Variants in DPP10 observed in about 807,000 individuals in gnomAD.
The protein encoded by DPP10 is inactive dipeptidyl peptidase 10.
In DPP10, 33 loss-of-function variants were observed where a neutral mutation model predicts 120.9. That is an observed-to-expected ratio of 0.27 (90% confidence interval 0.21 to 0.37). DPP10 has a LOEUF of 0.37. DPP10 is among the 10% of genes least tolerant of loss of function. The pLI, the probability that DPP10 is intolerant of heterozygous loss-of-function variation, is 1.00. For synonymous variants in DPP10, 337 were observed against 326.1 expected, an observed-to-expected ratio of 1.03 and a Z score of -0.36; for missense variants, 816 against 942.8, an observed-to-expected ratio of 0.87 and a Z score of 1.76.
At chr2:115,132,089 AAATAAT>A (rs1302169872) in intron 1 of DPP10, among the ~76,000 whole-genome samples, 2 of 151,904 alleles carry the variant, frequency 1.3e-5, no homozygotes, top group Admixed American at 6.6e-5. Flanking sequence ...CGCCATCTCA[AAATAAT>A]AATAATAATA....
At position 115,155,341 on chromosome 2, in the gene DPP10, T is replaced by C. The variant is rs532317389; in HGVS notation, c.61-153898T>C. Among the ~76,000 whole-genome samples, 89 of 152,298 alleles carry C rather than the reference T, an allele frequency of 5.8e-4. 2 individuals are homozygous for C. In the South Asian group the frequency reaches 0.018, roughly 32 times the overall value. On this transcript the variant is annotated intron_variant, in intron 1 of 25. Coordinates refer to ENST00000410059, the MANE Select transcript of DPP10 (RefSeq NM_020868.6). ...GGTTGTGAAAGGTGTTGAGTCCTAATAGATCAGTTATATTCGGGAAGATGA... is the reference window on the plus strand; with the variant it reads ...GGTTGTGAAAGGTGTTGAGTCCTAACAGATCAGTTATATTCGGGAAGATGA...
intron 5 of DPP10, among the ~76,000 whole-genome samples, chr2:115,540,937 C>T (rs1261629383): frequency 6.6e-6 from 1 of 151,708 alleles, no homozygotes; most frequent in Non-Finnish European, 1.5e-5. Flanking sequence ...TGAATGATGC[C>T]ATGAGAACAA....
intron 21 of DPP10, among the ~76,000 whole-genome samples, chr2:115,834,545 C>T (rs930759949): frequency 6.6e-6 from 1 of 151,562 alleles, no homozygotes; most frequent in Non-Finnish European, 1.5e-5. Context: ...AAAATCTCCT[C>T]TGGAACTTTT....
intron 1 of DPP10, among the ~76,000 whole-genome samples, chr2:115,204,669 C>T (rs1170580682): frequency 6.6e-6 from 1 of 152,110 alleles, no homozygotes; most frequent in Non-Finnish European, 1.5e-5. Flanking sequence ...ACTCACTAAA[C>T]AGGTCATAAA....
chr2:115,139,770 G>C (rs980426224), intron 1 of DPP10, among the ~76,000 whole-genome samples: 1 of 121,862 alleles, frequency 8.2e-6, no homozygotes, highest in Admixed American at 8.8e-5. Context: ...ATACTACTTT[G>C]TTATAAAATA....
intron 1 of DPP10, among the ~76,000 whole-genome samples, chr2:114,864,787 C>T (rs955499943): frequency 6.6e-6 from 1 of 152,078 alleles, no homozygotes; most frequent in South Asian, 2.1e-4. Flanking sequence ...TATGAAAGTC[C>T]CCTATATTAA....
chr2:114,974,990 GA>G (rs1168214068), intron 1 of DPP10, among the ~76,000 whole-genome samples: 4 of 149,964 alleles, frequency 2.7e-5, no homozygotes, highest in Admixed American at 6.6e-5. Context: ...TCATGTTAAA[GA>G]AAAAAATATA....
In DPP10 at chr2:115,256,280, A is replaced by G. The variant is rs913736802; in HGVS notation, c.61-52959A>G. Among the ~76,000 whole-genome samples, 39 of 152,214 alleles carry G rather than the reference A, an allele frequency of 2.6e-4. 1 individual carries two copies. The highest frequency in any genetic ancestry group is 9.2e-4 in the African/African-American group (38 of 41,456). On this transcript the variant is annotated intron_variant, in intron 1 of 25. Coordinates refer to ENST00000410059, the MANE Select transcript of DPP10 (RefSeq NM_020868.6). Reference sequence around the variant, plus strand: ...CAGATCTCGTGAGAATTCACTCACTATCAAAAGAACAGCATGGAGGTAACC... The same window carrying G: ...CAGATCTCGTGAGAATTCACTCACTGTCAAAAGAACAGCATGGAGGTAACC...
chr2:114,625,464 GA>G (rs1241541273), intron 1 of DPP10, among the ~76,000 whole-genome samples: 1 of 151,852 alleles, frequency 6.6e-6, no homozygotes, highest in Non-Finnish European at 1.5e-5. Flanking sequence ...ATTTAGGACT[GA>G]CAAAAAAGCA....
intron 1 of DPP10, among the ~76,000 whole-genome samples, chr2:114,542,377 CCTT>C (rs1247724645): frequency 6.6e-6 from 1 of 152,104 alleles, no homozygotes; most frequent in Non-Finnish European, 1.5e-5. Flanking sequence ...CACCTACACT[CCTT>C]ATTTGGTGGG....
intron 4 of DPP10, among the ~76,000 whole-genome samples, chr2:115,503,109 TA>T (rs2076770038): frequency 6.6e-6 from 1 of 152,046 alleles, no homozygotes; most frequent in Non-Finnish European, 1.5e-5. Context: ...TACATTCTAC[TA>T]AAAAAGTAGC....
At chr2:115,284,739 CCA>C (rs1384010151) in intron 1 of DPP10, among the ~76,000 whole-genome samples, 1 of 151,744 alleles carries the variant, frequency 6.6e-6, no homozygotes, top group Non-Finnish European at 1.5e-5. Flanking sequence ...ATCTAGGATA[CCA>C]TGCAGAAGAG....
intron 5 of DPP10, among the ~76,000 whole-genome samples, chr2:115,539,141 G>A (rs1469959996): frequency 6.6e-6 from 1 of 151,856 alleles, no homozygotes; most frequent in Non-Finnish European, 1.5e-5. Context: ...GGATACTCTA[G>A]CCAATTAGAG....
intron 21 of DPP10, among the ~76,000 whole-genome samples, chr2:115,827,422 A>ATG (rs1688473176): frequency 7.2e-6 from 1 of 138,990 alleles, no homozygotes; most frequent in Non-Finnish European, 1.6e-5. Context: ...GTGTATATAT[A>ATG]TATATATATA....
intron 1 of DPP10, among the ~76,000 whole-genome samples, chr2:114,704,405 A>G (rs1407927557): frequency 2.6e-5 from 4 of 152,178 alleles, no homozygotes; most frequent in African/African-American, 7.2e-5. Context: ...TAGGGACGCT[A>G]TGTGATAGAT....
chr2:115,175,053 G>A (rs1256648075), intron 1 of DPP10, among the ~76,000 whole-genome samples: 1 of 152,222 alleles, frequency 6.6e-6, no homozygotes, highest in Admixed American at 6.5e-5. Context: ...TTCGGATCAA[G>A]CTGCGTGGTG....
At chr2:114,465,555 T>C (rs1679293384) in intron 1 of DPP10, among the ~76,000 whole-genome samples, 1 of 152,208 alleles carries the variant, frequency 6.6e-6, no homozygotes, top group Admixed American at 6.5e-5. Context: ...GGGTAGCACA[T>C]GTTAAAAAAA....
At chr2:115,067,615 A>G (rs1706997782) in intron 1 of DPP10, among the ~76,000 whole-genome samples, 2 of 144,564 alleles carry the variant, frequency 1.4e-5, no homozygotes, top group African/African-American at 5.0e-5. Flanking sequence ...TTTGATCCCA[A>G]CACTTTGGGA....
chr2:114,804,529 A>C (rs937483026), intron 1 of DPP10, among the ~76,000 whole-genome samples: 6 of 152,198 alleles, frequency 3.9e-5, no homozygotes, highest in Non-Finnish European at 7.3e-5. Context: ...TTCCAAGACC[A>C]TGGGAACCCA....
Sources: allele counts gnomAD v4.1 joint callset (sites outside exome capture counted in the v4.1 genomes callset), GRCh38; gene constraint gnomAD v4.1.1; transcripts MANE v1.5; gene names NCBI Gene and HGNC (gene_info 2026-07-23, HGNC 2026-07-21).